The following NRG1 variants were observed in gnomAD, a reference collection of about 807,000 sequenced individuals.
NRG1 encodes the protein pro-neuregulin-1, membrane-bound isoform.
NRG1 carries 18 observed loss-of-function variants against 63.8 expected under a neutral mutation model. That is an observed-to-expected ratio of 0.28 (90% CI 0.19 to 0.42). The LOEUF is 0.42. Among genes scored for constraint, NRG1 ranks in the 10% least tolerant of loss-of-function variants. The pLI is 1.00. For synonymous variants in NRG1, 302 were observed against 301.3 expected (o/e 1.00, Z -0.02); for missense variants, 762 against 814.7 (o/e 0.94, Z 0.79).
rs139415218 is a variant in NRG1 at position 31,871,101 on chromosome 8, C to T, written c.37+231670C>T. On this transcript the variant is annotated intron_variant, in intron 1 of 10. Transcript: ENST00000519301. The stretch of plus-strand genomic sequence containing the variant: ...AAGTGAGTCTCCTGCCTCAGCCTCC[C>T]GAGTAGCTGGGATTACAGGTACGTG... 6.4e-3 allele frequency among the ~76,000 whole-genome samples: 979 copies of T among 151,974 alleles called. 11 individuals are homozygous for T. Among genetic ancestry groups the T allele is most frequent in the African/African-American group, 0.022 (924 of 41,460 alleles).
intron 1 of NRG1, among the ~76,000 whole-genome samples, chr8:32,559,380 A>G (rs1046593105): frequency 2.6e-5 from 4 of 151,898 alleles, no homozygotes; most frequent in Non-Finnish European, 4.4e-5. Context: ...GTCATATTTT[A>G]TGGTACATTT....
chr8:31,808,545 T>C (rs1034278988), intron 1 of NRG1, among the ~76,000 whole-genome samples: 1 of 152,076 alleles, frequency 6.6e-6, no homozygotes, highest in East Asian at 1.9e-4. Flanking sequence ...TTCTTTATTA[T>C]TAATTGAGGT....
chr8:31,834,449 G>A (rs1033198256), intron 1 of NRG1, among the ~76,000 whole-genome samples: 1 of 152,218 alleles, frequency 6.6e-6, no homozygotes, highest in Non-Finnish European at 1.5e-5. Flanking sequence ...GCTAATGCCT[G>A]TAATCTCAGC....
intron 1 of NRG1, among the ~76,000 whole-genome samples, chr8:32,098,260 G>A (rs1830140330): frequency 6.6e-6 from 1 of 152,218 alleles, no homozygotes; most frequent in Non-Finnish European, 1.5e-5. Context: ...GATAGTTGCA[G>A]AGAGTAATGA....
At chr8:31,834,307 GCA>G (rs1554547024) in intron 1 of NRG1, among the ~76,000 whole-genome samples, 72 of 119,512 alleles carry the variant, frequency 6.0e-4, no homozygotes, top group African/African-American at 1.5e-3. Context: ...GCGCACGCGC[GCA>G]CACACACACA....
chr8:31,952,684 T>C (rs1318181583), intron 1 of NRG1, among the ~76,000 whole-genome samples: 1 of 152,258 alleles, frequency 6.6e-6, no homozygotes, highest in African/African-American at 2.4e-5. Context: ...GCCTTGGGCC[T>C]ATTATGAGCT....
intron 7 of NRG1, among the ~76,000 whole-genome samples, chr8:32,743,840 G>A (rs1220932906): frequency 6.6e-6 from 1 of 151,832 alleles, no homozygotes; most frequent in Non-Finnish European, 1.5e-5. Flanking sequence ...ATTTTTTTCT[G>A]TAAAGGTTCA....
intron 1 of NRG1, among the ~76,000 whole-genome samples, chr8:31,901,709 C>T (rs1167802451): frequency 2.0e-5 from 3 of 152,082 alleles, no homozygotes; most frequent in Admixed American, 6.5e-5. Flanking sequence ...ATCCATGATC[C>T]TGAGGGAATT....
intron 6 of NRG1, among the ~76,000 whole-genome samples, chr8:32,732,264 C>G (rs1823879046): frequency 6.6e-6 from 1 of 152,178 alleles, no homozygotes; most frequent in Non-Finnish European, 1.5e-5. Flanking sequence ...TTTGTACCCT[C>G]TGATGCTTTA....
intron 1 of NRG1, among the ~76,000 whole-genome samples, chr8:31,734,380 C>T (rs1262836677): frequency 6.6e-6 from 1 of 152,150 alleles, no homozygotes; most frequent in Non-Finnish European, 1.5e-5. Context: ...AGTCTGTCTC[C>T]TCCCTTTCCT....
chr8:31,798,567 C>G (rs1400144478), intron 1 of NRG1, among the ~76,000 whole-genome samples: 1 of 152,128 alleles, frequency 6.6e-6, no homozygotes, highest in Non-Finnish European at 1.5e-5. Flanking sequence ...TAATTTCTTT[C>G]CTCCATTTGC....
chr8:31,711,188 A>G (rs1811707811), intron 1 of NRG1, among the ~76,000 whole-genome samples: 1 of 152,294 alleles, frequency 6.6e-6, no homozygotes, highest in East Asian at 1.9e-4. Flanking sequence ...ACATAATATT[A>G]ACATTCTTTT....
chr8:32,594,425 G>GA (rs1215567118), intron 1 of NRG1, among the ~76,000 whole-genome samples: 2 of 152,124 alleles, frequency 1.3e-5, no homozygotes, highest in African/African-American at 4.8e-5. Flanking sequence ...TTATTAAAGT[G>GA]AAATTATGTG....
At chr8:31,779,992 C>T (rs1161645358) in intron 1 of NRG1, among the ~76,000 whole-genome samples, 1 of 152,144 alleles carries the variant, frequency 6.6e-6, no homozygotes, top group African/African-American at 2.4e-5. Flanking sequence ...ACATCAGTGC[C>T]AGAATGATAC....
chr8:31,919,056 T>C (rs1294055380), intron 1 of NRG1, among the ~76,000 whole-genome samples: 2 of 152,178 alleles, frequency 1.3e-5, no homozygotes, highest in African/African-American at 2.4e-5. Flanking sequence ...ATATCCCCTT[T>C]ATCATTTTTT....
intron 1 of NRG1, among the ~76,000 whole-genome samples, chr8:31,849,270 C>G (rs769326905): frequency 6.6e-6 from 1 of 152,194 alleles, no homozygotes; most frequent in Non-Finnish European, 1.5e-5. Flanking sequence ...CTCAGTGACT[C>G]AAACCCAGGA....
chr8:31,765,838 T>C (rs548634240), intron 1 of NRG1, among the ~76,000 whole-genome samples: 112 of 152,174 alleles, frequency 7.4e-4, no homozygotes, highest in Non-Finnish European at 1.5e-3. Context: ...CATAGTGAGA[T>C]CATATTCTCT....
chr8:32,728,593 G>A (rs185497541), intron 6 of NRG1: 485 of 983,898 alleles, frequency 4.9e-4, no homozygotes, highest in Non-Finnish European at 5.6e-4. Flanking sequence ...TTTTTTAAAC[G>A]GAGTTTAGTT....
chr8:32,537,607 TG>T (rs1832144504), intron 1 of NRG1, among the ~76,000 whole-genome samples: 1 of 152,212 alleles, frequency 6.6e-6, no homozygotes, highest in Non-Finnish European at 1.5e-5. Context: ...CAGCAGCAGC[TG>T]GAAGTCAGGG....
Sources: allele counts gnomAD v4.1 joint callset (sites outside exome capture counted in the v4.1 genomes callset), GRCh38; gene constraint gnomAD v4.1.1; transcripts MANE v1.5; gene names NCBI Gene and HGNC (gene_info 2026-07-23, HGNC 2026-07-21).